PTPRT: variants seen among roughly 807,000 people sequenced by gnomAD.
PTPRT encodes receptor-type tyrosine-protein phosphatase T.
In PTPRT, 56 loss-of-function variants were observed where a neutral mutation model predicts 176.8. That is an observed-to-expected ratio of 0.32 (90% confidence interval 0.26 to 0.40). PTPRT has a LOEUF of 0.40. Ranked by LOEUF, PTPRT falls within the 10% of genes least tolerant of loss-of-function variation. The pLI is 1.00. For missense variants in PTPRT, 1,540 were observed against 1,908.2 expected (o/e 0.81, Z 3.60); for synonymous variants, 783 against 739.0 (o/e 1.06, Z -0.96).
intron 7 of PTPRT, among the ~76,000 whole-genome samples, chr20:42,553,087 T>C (rs978130900): frequency 6.6e-6 from 1 of 152,046 alleles, no homozygotes; most frequent in Non-Finnish European, 1.5e-5. Context: ...CTTCTAGGAA[T>C]TTACCTGAAA....
At chr20:42,223,851 T>C (rs976452972) in intron 15 of PTPRT, among the ~76,000 whole-genome samples, 11 of 152,174 alleles carry the variant, frequency 7.2e-5, no homozygotes, top group African/African-American at 1.7e-4. Context: ...AAAAAGTCCA[T>C]TGTTGCTAAG....
Position 42,184,541 on chromosome 20 carries a change from C to CTCTTCCTCTTCTTCTTCTTCTTCTTCT in PTPRT, c.2491+14698_2491+14699insAGAAGAAGAAGAAGAAGAAGAGGAAGA, listed in dbSNP as rs1555797959. On this transcript the variant is annotated intron_variant, in intron 16 of 30. Coordinates refer to ENST00000373187, the MANE Select transcript of PTPRT (RefSeq NM_007050.6). ...CTCCTTCTTCTTCTTCTTCCTCTTC[C>CTCTTCCTCTTCTTCTTCTTCTTCTTCT]TCTTCTTCTTCTTCTTCTTATTCTT... Among the ~76,000 whole-genome samples, 117 of 91,620 alleles carry CTCTTCCTCTTCTTCTTCTTCTTCTTCT rather than the reference C, an allele frequency of 1.3e-3. 2 individuals are homozygous for CTCTTCCTCTTCTTCTTCTTCTTCTTCT. The highest frequency in any genetic ancestry group is 4.3e-3 in the East Asian group (10 of 2,326). The allele number at this position is 91,620 out of a possible 152,430, so 60.1% of individuals were successfully genotyped here.
chr20:42,145,544 A>AGATAGATAGATAGATG (rs1487530031), intron 17 of PTPRT, among the ~76,000 whole-genome samples: 29 of 151,832 alleles, frequency 1.9e-4, no homozygotes, highest in African/African-American at 6.5e-4. Flanking sequence ...ATAGATAGAT[A>AGATAGATAGATAGATG]GATGGATGTT....
At chr20:43,155,303 A>G (rs901214279) in intron 1 of PTPRT, among the ~76,000 whole-genome samples, 1 of 152,238 alleles carries the variant, frequency 6.6e-6, no homozygotes, top group Non-Finnish European at 1.5e-5. Context: ...ATGAATGGAT[A>G]AAGAAAATGT....
chr20:42,863,633 C>T (rs558206788), intron 2 of PTPRT, among the ~76,000 whole-genome samples: 12 of 152,158 alleles, frequency 7.9e-5, no homozygotes, highest in Non-Finnish European at 1.8e-4. Context: ...AAGTAGTGGA[C>T]ATGTCAGTGG....
chr20:42,788,803 C>T (rs528539109), intron 3 of PTPRT, among the ~76,000 whole-genome samples: 1 of 152,294 alleles, frequency 6.6e-6, no homozygotes, highest in African/African-American at 2.4e-5. Context: ...GAGAGCCCAG[C>T]CTTGGAGTTA....
At chr20:43,106,995 G>T (rs1431710728) in intron 1 of PTPRT, among the ~76,000 whole-genome samples, 1 of 151,944 alleles carries the variant, frequency 6.6e-6, no homozygotes. Context: ...TCTCCATGTT[G>T]GTCAGGCTGG....
chr20:42,232,646 T>C (rs2056158169), intron 15 of PTPRT, among the ~76,000 whole-genome samples: 1 of 150,610 alleles, frequency 6.6e-6, no homozygotes, highest in Non-Finnish European at 1.5e-5. Context: ...ACTCCCAGAC[T>C]GTTCCCTGTC....
intron 7 of PTPRT, among the ~76,000 whole-genome samples, chr20:42,501,093 C>T: frequency 6.6e-6 from 1 of 152,144 alleles, no homozygotes; most frequent in Non-Finnish European, 1.5e-5. Flanking sequence ...CAGAAGCCCA[C>T]CCCATCACGC....
intron 1 of PTPRT, among the ~76,000 whole-genome samples, chr20:43,042,268 T>C (rs1986637860): frequency 6.6e-6 from 1 of 152,216 alleles, no homozygotes; most frequent in African/African-American, 2.4e-5. Context: ...ATTCCCTTTG[T>C]AAATTCAGAA....
At chr20:42,906,761 G>A (rs151074302) in intron 1 of PTPRT, among the ~76,000 whole-genome samples, 141 of 152,096 alleles carry the variant, frequency 9.3e-4, no homozygotes, top group African/African-American at 3.3e-3. Flanking sequence ...AACTTTTCCC[G>A]TTTCAGTCTC....
At chr20:42,894,327 G>C (rs2079254670) in intron 1 of PTPRT, among the ~76,000 whole-genome samples, 1 of 152,160 alleles carries the variant, frequency 6.6e-6, no homozygotes, top group Admixed American at 6.5e-5. Context: ...CAAGGTCAAA[G>C]AGACGGGGAC....
intron 1 of PTPRT, among the ~76,000 whole-genome samples, chr20:42,999,454 T>A (rs141912937): frequency 9.9e-5 from 15 of 151,696 alleles, no homozygotes; most frequent in Non-Finnish European, 1.0e-4. Context: ...GGGTGGGGAA[T>A]AAAATGCTTC....
intron 6 of PTPRT, among the ~76,000 whole-genome samples, chr20:42,720,169 G>A (rs574529257): frequency 6.6e-6 from 1 of 152,352 alleles, no homozygotes; most frequent in East Asian, 1.9e-4. Flanking sequence ...CCACTGGGAT[G>A]CTGAACAAGG....
At chr20:42,978,093 A>G (rs529453333) in intron 1 of PTPRT, among the ~76,000 whole-genome samples, 2 of 152,346 alleles carry the variant, frequency 1.3e-5, no homozygotes, top group African/African-American at 4.8e-5. Flanking sequence ...CAAGATCTCC[A>G]GTGGATGCCT....
chr20:43,038,987 C>A (rs2146209486), intron 1 of PTPRT, among the ~76,000 whole-genome samples: 1 of 152,282 alleles, frequency 6.6e-6, no homozygotes, highest in Non-Finnish European at 1.5e-5. Context: ...GAAATCAACA[C>A]TGTGAAAATG....
rs11468460 is a variant in PTPRT, at chr20:42,879,733, A to ATGTGTG, written c.214+6068_214+6073dup. On this transcript the variant is annotated intron_variant, in intron 2 of 30. Coordinates refer to ENST00000373187, the MANE Select transcript of PTPRT (RefSeq NM_007050.6). ...TTCCATGACATGCTAGTTGGGTGAA[A>ATGTGTG]TGTGTGTGTGTGTGTGTGTGTGTGC... Among the ~76,000 whole-genome samples the ATGTGTG allele has an allele frequency of 2.8e-3, 414 of 149,080 alleles. 1 individual carries two copies. Among genetic ancestry groups the ATGTGTG allele is most frequent in the African/African-American group, 9.5e-3 (387 of 40,662 alleles).
In PTPRT at chr20:42,322,164, C is replaced by T. The variant is rs1043905330; in HGVS notation, c.1866-6168G>A. Reference sequence around the variant, plus strand: ...GCTCATGGGTAGGAAGAATCAATATCGTGAAAATGGCCATACTGCCCAAGG... The same window carrying T: ...GCTCATGGGTAGGAAGAATCAATATTGTGAAAATGGCCATACTGCCCAAGG... On this transcript the variant is annotated intron_variant, in intron 11 of 30. Coordinates refer to ENST00000373187, the MANE Select transcript of PTPRT (RefSeq NM_007050.6). Among the ~76,000 whole-genome samples, 50 of 152,026 alleles carry T rather than the reference C, an allele frequency of 3.3e-4. 1 individual carries two copies. The East Asian group carries it at 6.6e-3, about 20-fold the overall frequency.
intron 17 of PTPRT, among the ~76,000 whole-genome samples, chr20:42,147,273 T>C (rs1988909614): frequency 6.6e-6 from 1 of 152,184 alleles, no homozygotes. Flanking sequence ...GCAAATATCC[T>C]GGGATCTTAG....
Sources: allele counts gnomAD v4.1 joint callset (sites outside exome capture counted in the v4.1 genomes callset), GRCh38; gene constraint gnomAD v4.1.1; transcripts MANE v1.5; gene names NCBI Gene and HGNC (gene_info 2026-07-23, HGNC 2026-07-21).